SULT1A2: variants seen among roughly 807,000 people sequenced by gnomAD.
SULT1A2 encodes the protein sulfotransferase 1A2.
Under a neutral mutation model 36.0 loss-of-function variants are expected in SULT1A2, and 33 were observed. The observed-to-expected ratio is 0.92, with a 90% CI of 0.69 to 1.22. The LOEUF is 1.22. Among genes scored for constraint, SULT1A2 ranks in the 50% most tolerant of loss-of-function variants. The pLI, the probability that SULT1A2 is intolerant of heterozygous loss-of-function variation, is 0.00. For missense variants in SULT1A2, 367 were observed against 383.2 expected (o/e 0.96, Z 0.35); for synonymous variants, 138 against 144.5 (o/e 0.96, Z 0.32).
At position 28,592,096 on chromosome 16, in the gene SULT1A2, C is replaced by T. The variant is rs1241977487; in HGVS notation, c.820G>A (p.Glu274Lys). The T allele has an allele frequency of 2.5e-6, 4 of 1,612,106 alleles. No individual in the cohort carries two copies. The highest frequency in any genetic ancestry group is 4.5e-5 in the East Asian group (2 of 44,878). The change falls in exon 8 of 8, where the codon GAG becomes AAG. Residue 274 changes from glutamate (E) to lysine (K), a missense_variant. Glu to Lys is a moderately conservative substitution (Grantham distance 56, BLOSUM62 1). Transcript: ENST00000335715. ...TTCGCATAGTCCGCATCGAAGCGCT[C>T]ATTCTGCGCCACGGTGAAGGTGGTC... Reference protein sequence around the residue: ...WKTTFTVAQNERFDADYAKKM... With the variant: ...WKTTFTVAQNKRFDADYAKKM...
At position 28,596,952 on chromosome 16, in the gene SULT1A2, T is replaced by C. The variant is rs1184315970; in HGVS notation, c.-5+45A>G. On this transcript the variant is annotated intron_variant, in intron 1 of 7. Coordinates refer to ENST00000335715, the MANE Select transcript of SULT1A2 (RefSeq NM_001054.4). ...CTTCTGGAATGTTGGAGCCACAAGC[T>C]GAGCAGGGTGAGGGCGTCCTGGGCC... is the stretch of plus-strand genomic sequence containing the variant. The C allele has an allele frequency of 9.2e-6, 11 of 1,191,258 alleles. No individual in the cohort carries two copies. The African/African-American group carries it at 1.3e-4, about 14-fold the overall frequency. 73.8% of individuals were successfully genotyped at this position (1,191,258 alleles called of 1,614,324 possible).
intron 1 of SULT1A2, chr16:28,596,525 G>A: frequency 4.6e-6 from 2 of 435,690 alleles, no homozygotes; most frequent in Non-Finnish European, 3.5e-6. Flanking sequence ...AGAGCCTGAT[G>A]TGGGAATGAG....
Position 28,593,331 on chromosome 16 carries a change from CA to C in SULT1A2, c.514del (p.Trp172GlyfsTer11). ...CCACCACTCTTGCACGTGCTGGTACCAGGACCCATAGGACACTGGAGAAGCG... is the reference window on the plus strand; with the variant it reads ...CCACCACTCTTGCACGTGCTGGTACCGGACCCATAGGACACTGGAGAAGCG... The part of the protein sequence containing the change: ...FMAGEVSYGS[W>X]YQHVQEWWEL... On this transcript the variant is annotated frameshift_variant, in exon 6 of 8. Coordinates refer to ENST00000335715, the MANE Select transcript of SULT1A2 (RefSeq NM_001054.4). LOFTEE classifies it high-confidence loss of function. 1 of 1,614,058 alleles carries C rather than the reference CA, an allele frequency of 6.2e-7. No individual in the cohort carries two copies. The highest frequency in any genetic ancestry group is 1.3e-5 in the African/African-American group (1 of 74,910).
chr16:28,592,525 G>T, intron 6 of SULT1A2, 82 bp from the exon 7 acceptor site: 1 of 1,600,862 alleles, frequency 6.2e-7, no homozygotes, highest in Non-Finnish European at 8.5e-7. Flanking sequence ...TAACCTCAGA[G>T]GGGAACTGGC....
At chr16:28,595,216 G>C in intron 4 of SULT1A2, 151 bp downstream of exon 4, 1 of 1,004,810 alleles carries the variant, frequency 1.0e-6, no homozygotes, top group Non-Finnish European at 1.4e-6. Context: ...AGCCTCCTGA[G>C]TAGCTGGTAT....
In SULT1A2 at chr16:28,593,450, G is replaced by A. The variant is rs142241142; in HGVS notation, c.491C>T (p.Ala164Val). The A allele has an allele frequency of 5.5e-3, 8,866 of 1,614,148 alleles. 146 individuals are homozygous for A. The highest frequency in any genetic ancestry group is 4.0e-3 in the Non-Finnish European group (4,761 of 1,180,002). Reference sequence around the variant, plus strand: ...CCTCCCATCAAGCCCACCTTCTCCAGCCATGAACTTCTCCAGGAAGCTTTC... The same window carrying A: ...CCTCCCATCAAGCCCACCTTCTCCAACCATGAACTTCTCCAGGAAGCTTTC... The part of the protein sequence containing the change: ...TWESFLEKFM[A>V]GEVSYGSWYQ... Residue 164 changes from alanine to valine, a missense_variant, in exon 5 of 8, where the codon GCT (alanine) becomes GTT (valine). Physicochemically the swap from Ala to Val is moderately conservative, Grantham distance 64. Coordinates refer to ENST00000335715, the MANE Select transcript of SULT1A2 (RefSeq NM_001054.4).
intron 4 of SULT1A2, among the ~76,000 whole-genome samples, chr16:28,594,616 C>A (rs2047036919): frequency 6.6e-6 from 1 of 151,726 alleles, no homozygotes; most frequent in Admixed American, 6.6e-5. Context: ...CAACGCCTGG[C>A]TAATTTTTGT....
rs1183654141 is a variant in SULT1A2 at position 28,593,947 on chromosome 16, T to TC, written c.373-380dup. The stretch of plus-strand genomic sequence containing the variant: ...GGTCATCAGAGCAAAAGGCAGACAG[T>TC]CCCCCCCGTGGAAGATGAGACAAGT... On this transcript the variant is annotated intron_variant, in intron 4 of 7. Transcript: ENST00000335715. Among the ~76,000 whole-genome samples the TC allele has an allele frequency of 4.6e-5, 7 of 151,182 alleles. No homozygotes were observed. The South Asian group carries it at 1.0e-3, about 23-fold the overall frequency.
chr16:28,593,217 T>G (rs773501202), intron 6 of SULT1A2, 35 bp downstream of exon 6: 1 of 1,611,600 alleles, frequency 6.2e-7, no homozygotes, highest in Non-Finnish European at 8.5e-7. Context: ...TGCCCCCAGG[T>G]GTCACGTGGA....
Position 28,592,138 on chromosome 16 carries a change from T to C in SULT1A2, c.778A>G (p.Met260Val). The change falls in exon 8 of 8, where the codon ATG becomes GTG. Residue 260 changes from methionine (M) to valine (V), a missense_variant and splice_region_variant. Met to Val is a conservative substitution (Grantham distance 21). Coordinates refer to ENST00000335715, the MANE Select transcript of SULT1A2 (RefSeq NM_001054.4). Reference protein sequence around the residue: ...HSISPFMRKGMAGDWKTTFTV... With the variant: ...HSISPFMRKGVAGDWKTTFTV... ...AAGGTGGTCTTCCAGTCCCCAGCCA[T>C]GCCTGGGGGAGGAAGGCAGGGAGCA... The C allele has an allele frequency of 6.2e-7, 1 of 1,612,156 alleles. No homozygotes were observed. Among genetic ancestry groups the C allele is most frequent in the Non-Finnish European group, 8.5e-7 (1 of 1,179,826 alleles).
In SULT1A2 at chr16:28,595,581, G is replaced by A; in HGVS notation, c.243C>T (p.Phe81=). ...HRAPIFMRVP[F]LEFKVPGIPS... ...GAATCCCTGGGACTTTGAACTCAAG[G>A]AAGGGCACCCGCATGAAGATGGGAG... is the stretch of plus-strand genomic sequence containing the variant. The change falls in exon 3 of 8, where the codon TTC becomes TTT. Residue 81 remains phenylalanine, a synonymous_variant. Transcript: ENST00000335715. The A allele has an allele frequency of 6.2e-7, 1 of 1,614,204 alleles. No homozygotes were observed. Among genetic ancestry groups the A allele is most frequent in the Non-Finnish European group, 8.5e-7 (1 of 1,180,036 alleles).
Position 28,597,021 on chromosome 16 carries a change from G to C in SULT1A2, c.-29C>G. The C allele has an allele frequency of 1.6e-6, 2 of 1,282,236 alleles. No individual in the cohort carries two copies. The highest frequency in any genetic ancestry group is 2.3e-5 in the Admixed American group (1 of 43,422). 79.4% of individuals were successfully genotyped at this position (1,282,236 alleles called of 1,614,324 possible). ...CCTGAGCTCTTGGGAACCTGGCCTTGTGCCCTCCTCGCCCGCAGTGGCTGA... is the reference window on the plus strand; with the variant it reads ...CCTGAGCTCTTGGGAACCTGGCCTTCTGCCCTCCTCGCCCGCAGTGGCTGA... On this transcript the variant is annotated 5_prime_UTR_variant, in exon 1 of 8. Coordinates refer to ENST00000335715, the MANE Select transcript of SULT1A2 (RefSeq NM_001054.4).
intron 4 of SULT1A2, 70 bp downstream of exon 4, chr16:28,595,297 A>C: frequency 6.3e-7 from 1 of 1,588,612 alleles, no homozygotes; most frequent in African/African-American, 1.4e-5. Context: ...TTCTGGCTTC[A>C]AGGGATCTTC....
In SULT1A2 at chr16:28,592,374, G is replaced by A. The variant is rs774222522; in HGVS notation, c.664C>T (p.Leu222Phe). ...TTGAACGACGTGTGCTCAACCATGA[G>A]GTCCACAGTCTCCTCTGGCAGGGAG... ...GRSLPEETVD[L>F]MVEHTSFKEM... The change falls in exon 7 of 8, where the codon CTC becomes TTC. Residue 222 changes from leucine (L) to phenylalanine (F), a missense_variant. By Grantham distance (22) the Leu-to-Phe change is conservative. Coordinates refer to ENST00000335715, the MANE Select transcript of SULT1A2 (RefSeq NM_001054.4). The A allele has an allele frequency of 2.5e-5, 40 of 1,613,876 alleles. No individual in the cohort carries two copies. Among genetic ancestry groups the A allele is most frequent in the Admixed American group, 5.0e-5 (3 of 60,010 alleles).
Position 28,595,824 on chromosome 16 carries a change from G to C in SULT1A2, c.107C>G (p.Ala36Gly). 1 of 1,612,254 alleles carries C rather than the reference G, an allele frequency of 6.2e-7. No homozygotes were observed. The highest frequency in any genetic ancestry group is 8.5e-7 in the Non-Finnish European group (1 of 1,179,500). ...GCTGATGAGCAGGTCATCAGGCCGGGCCTGGAAGCTCTGCAGGGGCCCCAG... is the reference window on the plus strand; with the variant it reads ...GCTGATGAGCAGGTCATCAGGCCGGCCCTGGAAGCTCTGCAGGGGCCCCAG... ...EALGPLQSFQARPDDLLISTY... is the reference protein window; with the variant it reads ...EALGPLQSFQGRPDDLLISTY... The change falls in exon 2 of 8, where the codon GCC (alanine) becomes GGC (glycine). Residue 36 changes from alanine to glycine, a missense_variant. Transcript: ENST00000335715.
At position 28,593,492 on chromosome 16, in the gene SULT1A2, G is replaced by A; in HGVS notation, c.449C>T (p.Pro150Leu). The change falls in exon 5 of 8, where the codon CCT (proline) becomes CTT (leucine). Residue 150 changes from proline (P) to leucine (L), a missense_variant. Physicochemically the swap from Pro to Leu is moderately conservative, Grantham distance 98. Transcript: ENST00000335715. ...GAAGCTTTCCCAGGTCCCAGGGTGA[G>A]GGTACACTTTGGCCATGTGGTAGAA... The part of the protein sequence containing the change: ...YHFYHMAKVY[P>L]HPGTWESFLE... The A allele has an allele frequency of 6.2e-7, 1 of 1,614,150 alleles. No homozygotes were observed. Among genetic ancestry groups the A allele is most frequent in the Non-Finnish European group, 8.5e-7 (1 of 1,180,046 alleles).
chr16:28,595,256 GT>G lies in SULT1A2; in HGVS notation c.372+110del, dbSNP rs56000354. The G allele has an allele frequency of 2.4e-3, 2,981 of 1,245,946 alleles. 6 individuals carry two copies. Among genetic ancestry groups the G allele is most frequent in the Middle Eastern group, 0.014 (50 of 3,670 alleles). The allele number at this position is 1,245,946 out of a possible 1,614,324, so 77.2% of individuals were successfully genotyped here. A position where few individuals can be genotyped will look rare whatever the true frequency, so the allele number is the denominator to read the frequency against. The stretch of plus-strand genomic sequence containing the variant: ...GGCACACACCACTATGCACAGCTAA[GT>G]TTTTTTTTTGGAAGAGACTTATCTG... On this transcript the variant is annotated intron_variant, in intron 4 of 7. Transcript: ENST00000335715.
At position 28,595,373 on chromosome 16, in the gene SULT1A2, C is replaced by T. The variant is rs2047045616; in HGVS notation, c.366G>A (p.Lys122=). The T allele has an allele frequency of 6.2e-7, 1 of 1,613,864 alleles. No individual in the cohort carries two copies. The highest frequency in any genetic ancestry group is 1.1e-5 in the South Asian group (1 of 91,082). Residue 122 remains lysine, a synonymous_variant, in exon 4 of 8, where the codon AAG becomes AAA. Transcript: ENST00000335715. ...CCACTGTGCCCAGTCTCACCTTGACCTTCTGATCCAACAGAGTCTGGGGGA... is the reference window on the plus strand; with the variant it reads ...CCACTGTGCCCAGTCTCACCTTGACTTTCTGATCCAACAGAGTCTGGGGGA... The part of the protein sequence containing the change: ...ALLPQTLLDQ[K]VKVVYVARNA...
In SULT1A2 at chr16:28,595,946, GC is replaced by G. The variant is rs1027071842; in HGVS notation, c.-4-13del. On this transcript the variant is annotated splice_polypyrimidine_tract_variant and intron_variant, in intron 1 of 7. Coordinates refer to ENST00000335715, the MANE Select transcript of SULT1A2 (RefSeq NM_001054.4). ...TCAGCTCCATGTTCCTGCGTCAGGGGCCAGAGCCAGGCCCGTTCCCTTACCA... is the reference window on the plus strand; with the variant it reads ...TCAGCTCCATGTTCCTGCGTCAGGGGCAGAGCCAGGCCCGTTCCCTTACCA... 2 of 1,602,736 alleles carry G rather than the reference GC, an allele frequency of 1.2e-6. 1 individual carries two copies. The highest frequency in any genetic ancestry group is 1.7e-6 in the Non-Finnish European group (2 of 1,174,164).
Sources: gnomAD v4.1 joint callset for allele counts (sites outside exome capture counted in the v4.1 genomes callset) on GRCh38, gnomAD v4.1.1 for gene constraint, MANE v1.5 for transcripts, NCBI Gene and HGNC (gene_info 2026-07-23, HGNC 2026-07-21) for gene names.